The following ATP10B variants were observed in gnomAD, a reference collection of about 807,000 sequenced individuals.
ATP10B encodes ATPase phospholipid transporting 10B (putative).
A neutral mutation model predicts 141.2 loss-of-function variants in ATP10B; 122 were observed. That is an observed-to-expected ratio of 0.86 (90% CI 0.75 to 1.00). ATP10B has a LOEUF of 1.00. Ranked by LOEUF, ATP10B falls within the 50% of genes least tolerant of loss-of-function variation. The probability of loss-of-function intolerance (pLI) is 0.00; values close to 1 mark genes in which losing one functional copy is unlikely to be tolerated. For missense variants in ATP10B, 1,876 were observed against 1,825.3 expected (o/e 1.03, Z -0.51); for synonymous variants, 685 against 692.0 (o/e 0.99, Z 0.16).
chr5:160,587,768 T>G (rs1756004295), intron 24 of ATP10B, among the ~76,000 whole-genome samples: 1 of 152,216 alleles, frequency 6.6e-6, no homozygotes, highest in African/African-American at 2.4e-5. Flanking sequence ...ATGATTTTTG[T>G]ACATTGATTT....
intron 2 of ATP10B, among the ~76,000 whole-genome samples, chr5:160,781,504 C>A (rs181998287): frequency 1.3e-5 from 2 of 152,164 alleles, no homozygotes; most frequent in South Asian, 2.1e-4. Context: ...TTGAAAACCA[C>A]CCTTGCTGCT....
intron 18 of ATP10B, among the ~76,000 whole-genome samples, chr5:160,610,798 T>C (rs1026225330): frequency 7.2e-5 from 11 of 152,212 alleles, no homozygotes; most frequent in African/African-American, 2.7e-4. Flanking sequence ...TATCTAATAC[T>C]TTAGTTCCTT....
intron 2 of ATP10B, among the ~76,000 whole-genome samples, chr5:160,767,914 C>G (rs1483115617): frequency 6.6e-6 from 1 of 152,132 alleles, no homozygotes; most frequent in East Asian, 1.9e-4. Flanking sequence ...GTTCTGAAGT[C>G]TGACTCCCTT....
intron 2 of ATP10B, among the ~76,000 whole-genome samples, chr5:160,785,151 T>A (rs79157120): frequency 0.016 from 2,375 of 152,236 alleles, 58 homozygotes; most frequent in African/African-American, 0.054. Context: ...ATATTACTGA[T>A]TTACTCCATT....
chr5:160,752,173 C>CT (rs561913092), intron 2 of ATP10B, among the ~76,000 whole-genome samples: 1,896 of 123,260 alleles, frequency 0.015, 23 homozygotes, highest in African/African-American at 0.031. Flanking sequence ...AGTCCCCCTA[C>CT]TTTTTTTTTT....
intron 1 of ATP10B, among the ~76,000 whole-genome samples, chr5:160,812,979 A>G (rs956641069): frequency 6.6e-6 from 1 of 152,238 alleles, no homozygotes; most frequent in African/African-American, 2.4e-5. Flanking sequence ...ATGAAAGTCA[A>G]TAATAAAGAA....
At chr5:160,778,266 C>T (rs1770478446) in intron 2 of ATP10B, among the ~76,000 whole-genome samples, 2 of 152,214 alleles carry the variant, frequency 1.3e-5, no homozygotes, top group South Asian at 4.1e-4. Flanking sequence ...CTCATTCACT[C>T]AATCCCAGTG....
chr5:160,774,446 C>T (rs970642405), intron 2 of ATP10B, among the ~76,000 whole-genome samples: 123 of 152,296 alleles, frequency 8.1e-4, no homozygotes, highest in African/African-American at 2.6e-3. Context: ...AATTTGTACA[C>T]GGGTAAAATG....
At chr5:160,817,079 T>G (rs1159926681) in intron 1 of ATP10B, among the ~76,000 whole-genome samples, 1 of 152,192 alleles carries the variant, frequency 6.6e-6, no homozygotes, top group Non-Finnish European at 1.5e-5. Flanking sequence ...AGCATTCCCT[T>G]TGAAAACTGG....
chr5:160,883,486 A>ATT, the ATP10B span, among the ~76,000 whole-genome samples: 1 of 151,772 alleles, frequency 6.6e-6, no homozygotes, highest in Non-Finnish European at 1.5e-5. Context: ...GTGTGTAGTG[A>ATT]TTTTTTTCAC....
At chr5:160,686,865 T>A (rs1273891399) in intron 5 of ATP10B, 1 of 829,038 alleles carries the variant, frequency 1.2e-6, no homozygotes, top group East Asian at 1.2e-4. Context: ...TCACTTATAA[T>A]AATAATTACA....
chr5:160,909,126 C>T, the ATP10B span, among the ~76,000 whole-genome samples: 1 of 152,146 alleles, frequency 6.6e-6, no homozygotes, highest in Non-Finnish European at 1.5e-5. Context: ...AATTGCAATG[C>T]AGTGTGATGA....
chr5:160,841,952 T>C (rs1197434854), intron 1 of ATP10B, among the ~76,000 whole-genome samples: 2 of 152,168 alleles, frequency 1.3e-5, no homozygotes, highest in African/African-American at 4.8e-5. Flanking sequence ...CTTGAACTCC[T>C]GACCTCAGGT....
At chr5:160,725,848 G>A (rs889908021) in intron 2 of ATP10B, among the ~76,000 whole-genome samples, 1 of 152,186 alleles carries the variant, frequency 6.6e-6, no homozygotes, top group African/African-American at 2.4e-5. Flanking sequence ...GGCAAAATCT[G>A]TGACTCAGAT....
chr5:160,831,998 G>C (rs563051254), intron 1 of ATP10B, among the ~76,000 whole-genome samples: 1 of 152,186 alleles, frequency 6.6e-6, no homozygotes, highest in East Asian at 1.9e-4. Context: ...AACAATAATG[G>C]GAGCTGTGTT....
chr5:160,725,741 G>A (rs920827478), intron 2 of ATP10B, among the ~76,000 whole-genome samples: 1 of 152,152 alleles, frequency 6.6e-6, no homozygotes. Flanking sequence ...CACCACGCCC[G>A]GCCTACTATG....
chr5:160,750,466 C>T (rs1459178183), intron 2 of ATP10B, among the ~76,000 whole-genome samples: 1 of 152,178 alleles, frequency 6.6e-6, no homozygotes, highest in East Asian at 1.9e-4. Context: ...CTCTCTTTCA[C>T]CCATAATAAC....
At chr5:160,858,090 G>T in the ATP10B span, among the ~76,000 whole-genome samples, 9 of 151,616 alleles carry the variant, frequency 5.9e-5, no homozygotes, top group African/African-American at 2.2e-4. Flanking sequence ...GGGTATTGTG[G>T]AATTGTCCAT....
At chr5:160,755,867 ATATATATATATT>A (rs1450018611) in intron 2 of ATP10B, among the ~76,000 whole-genome samples, 3 of 114,092 alleles carry the variant, frequency 2.6e-5, no homozygotes, top group African/African-American at 1.3e-4. Flanking sequence ...ATATATATAT[ATATATATATATT>A]ATAATTTTAT....
Sources: allele counts gnomAD v4.1 joint callset (sites outside exome capture counted in the v4.1 genomes callset), GRCh38; gene constraint gnomAD v4.1.1; transcripts MANE v1.5; gene names NCBI Gene and HGNC (gene_info 2026-07-23, HGNC 2026-07-21).